Variants in SLC2A13 observed in about 807,000 individuals in gnomAD.
SLC2A13 encodes solute carrier family 2 member 13, also known as proton myo-inositol cotransporter.
A neutral mutation model predicts 64.4 loss-of-function variants in SLC2A13; 32 were observed. That is an observed-to-expected ratio of 0.50 (90% confidence interval 0.37 to 0.67). The LOEUF is 0.67. SLC2A13 is among the 30% of genes least tolerant of loss of function. The pLI is 0.00. For synonymous variants in SLC2A13, 338 were observed against 327.1 expected (o/e 1.03, Z -0.36); for missense variants, 743 against 829.2 (o/e 0.90, Z 1.28).
intron 3 of SLC2A13, among the ~76,000 whole-genome samples, chr12:40,020,793 A>G (rs1472988427): frequency 6.6e-6 from 1 of 152,174 alleles, no homozygotes; most frequent in Non-Finnish European, 1.5e-5. Context: ...ATGTCTCCAA[A>G]TCATGGTTTT....
intron 7 of SLC2A13, among the ~76,000 whole-genome samples, chr12:39,824,415 C>G (rs974486310): frequency 9.2e-5 from 14 of 152,198 alleles, no homozygotes; most frequent in African/African-American, 3.1e-4. Flanking sequence ...GGTCAGATGA[C>G]CACCCATCCA....
At chr12:39,779,903 T>C (rs981549733) in intron 7 of SLC2A13, among the ~76,000 whole-genome samples, 1 of 152,254 alleles carries the variant, frequency 6.6e-6, no homozygotes, top group Non-Finnish European at 1.5e-5. Context: ...TGCCTGAGAA[T>C]GAATGCAAGC....
chr12:39,781,395 C>T (rs113163836), intron 7 of SLC2A13, among the ~76,000 whole-genome samples: 4 of 152,202 alleles, frequency 2.6e-5, no homozygotes, highest in South Asian at 4.1e-4. Context: ...TGGCCTGCCC[C>T]CTCCAGCCTT....
rs1351104694 is a variant in SLC2A13, at chr12:39,818,494, C to A, written c.1445+11609G>T. 5.3e-5 allele frequency among the ~76,000 whole-genome samples: 8 copies of A among 152,136 alleles called. No individual in the cohort carries two copies. The East Asian group carries it at 1.3e-3, about 26-fold the overall frequency. On this transcript the variant is annotated intron_variant, in intron 7 of 9. Coordinates refer to ENST00000280871, the MANE Select transcript of SLC2A13 (RefSeq NM_052885.4). ...AGATGATGCTCTGAGTAATTACCTT[C>A]TTTGTTTAACTCTAACTTTATAAGT...
chr12:40,073,494 CTTCAT>C (rs1938043693), intron 1 of SLC2A13, among the ~76,000 whole-genome samples: 1 of 151,658 alleles, frequency 6.6e-6, no homozygotes, highest in East Asian at 1.9e-4. Flanking sequence ...TTTATTTTAC[CTTCAT>C]TTATTTCTCT....
rs2136128654 is a variant in SLC2A13, at chr12:39,970,306, C to T, written c.926-18941G>A. On this transcript the variant is annotated intron_variant, in intron 3 of 9. Coordinates refer to ENST00000280871, the MANE Select transcript of SLC2A13 (RefSeq NM_052885.4). ...AGGCTCTTTTTTGGTTCCATATGAA[C>T]TTTAAAGTGGTTTTTTCCAATTCTG... 2.0e-5 allele frequency among the ~76,000 whole-genome samples: 3 copies of T among 152,232 alleles called. No homozygotes were observed. The East Asian group carries it at 5.8e-4, about 29-fold the overall frequency.
At chr12:39,833,124 C>T (rs772296955) in intron 6 of SLC2A13, among the ~76,000 whole-genome samples, 1 of 152,058 alleles carries the variant, frequency 6.6e-6, no homozygotes, top group Non-Finnish European at 1.5e-5. Context: ...AAAAATCTGG[C>T]GTACCACTTA....
At chr12:39,957,607 T>C (rs767868242) in intron 3 of SLC2A13, among the ~76,000 whole-genome samples, 32 of 152,278 alleles carry the variant, frequency 2.1e-4, no homozygotes, top group Non-Finnish European at 3.4e-4. Context: ...GAGTTGAGCA[T>C]TGTTTGAGAA....
chr12:39,872,123 A>G (rs1944073047), intron 4 of SLC2A13, among the ~76,000 whole-genome samples, 162 bp from the exon 5 acceptor site: 1 of 152,222 alleles, frequency 6.6e-6, no homozygotes, highest in South Asian at 2.1e-4. Flanking sequence ...AAAAGATCAC[A>G]ATATAAAGAC....
At chr12:40,042,288 A>G (rs1948101622) in intron 2 of SLC2A13, among the ~76,000 whole-genome samples, 1 of 152,178 alleles carries the variant, frequency 6.6e-6, no homozygotes. Context: ...ATCAGCATGA[A>G]ACAGAAAAAT....
At chr12:39,798,355 T>G (rs1941652863) in intron 7 of SLC2A13, among the ~76,000 whole-genome samples, 1 of 152,200 alleles carries the variant, frequency 6.6e-6, no homozygotes, top group Non-Finnish European at 1.5e-5. Flanking sequence ...TGTTTGAAGT[T>G]GTTAAGTTTT....
At chr12:39,871,677 T>A in intron 5 of SLC2A13, 121 bp downstream of exon 5, 1 of 1,024,796 alleles carries the variant, frequency 9.8e-7, no homozygotes, top group Non-Finnish European at 1.3e-6. Context: ...AACTCTAATT[T>A]TTTTGTTGTT....
chr12:40,010,353 G>GA (rs1453019023), intron 3 of SLC2A13, among the ~76,000 whole-genome samples: 1 of 152,110 alleles, frequency 6.6e-6, no homozygotes, highest in Non-Finnish European at 1.5e-5. Flanking sequence ...GATTATTAGG[G>GA]AAAGTCAGCT....
intron 4 of SLC2A13, among the ~76,000 whole-genome samples, chr12:39,882,706 C>T (rs1180902124): frequency 7.9e-5 from 12 of 152,120 alleles, no homozygotes; most frequent in Non-Finnish European, 1.2e-4. Flanking sequence ...CCCACATACC[C>T]GACCAGTCTA....
At chr12:39,816,842 T>A (rs1827288730) in intron 7 of SLC2A13, among the ~76,000 whole-genome samples, 1 of 152,120 alleles carries the variant, frequency 6.6e-6, no homozygotes, top group Admixed American at 6.5e-5. Context: ...TCAGAAGAAT[T>A]CTAAACATTT....
chr12:39,972,015 T>TA (rs1491210436), intron 3 of SLC2A13, among the ~76,000 whole-genome samples: 3,366 of 80,056 alleles, frequency 0.042, 116 homozygotes, highest in African/African-American at 0.1. Context: ...TATATATATA[T>TA]TTTTTTTTAT....
intron 3 of SLC2A13, among the ~76,000 whole-genome samples, chr12:40,015,958 C>T (rs1947613964): frequency 6.6e-6 from 1 of 151,986 alleles, no homozygotes; most frequent in African/African-American, 2.4e-5. Flanking sequence ...CATGACACAT[C>T]GTAAATATTC....
chr12:40,001,354 T>C (rs778698789), intron 3 of SLC2A13, among the ~76,000 whole-genome samples: 4 of 152,244 alleles, frequency 2.6e-5, no homozygotes, highest in Non-Finnish European at 4.4e-5. Context: ...ATTTCTGATA[T>C]TGATTTGGAA....
At chr12:40,093,031 T>C (rs945675636) in intron 1 of SLC2A13, among the ~76,000 whole-genome samples, 1 of 151,868 alleles carries the variant, frequency 6.6e-6, no homozygotes, top group Non-Finnish European at 1.5e-5. Flanking sequence ...CACTGTCACA[T>C]CTAAGTGTAA....
Sources: allele counts gnomAD v4.1 joint callset (sites outside exome capture counted in the v4.1 genomes callset), GRCh38; gene constraint gnomAD v4.1.1; transcripts MANE v1.5; gene names NCBI Gene and HGNC (gene_info 2026-07-23, HGNC 2026-07-21).